The following ZFP64 variants were observed in gnomAD, a reference collection of about 807,000 sequenced individuals.
ZFP64 encodes zinc finger protein 64.
Under a neutral mutation model 51.6 loss-of-function variants are expected in ZFP64, and 14 were observed. The observed-to-expected ratio is 0.27, with a 90% CI of 0.18 to 0.42. The LOEUF is 0.42. Among genes scored for constraint, ZFP64 ranks in the 10% least tolerant of loss-of-function variants. The pLI is 1.00. For missense variants in ZFP64, 754 were observed against 906.8 expected (o/e 0.83, Z 2.16); for synonymous variants, 375 against 361.4 (o/e 1.04, Z -0.43).
intron 4 of ZFP64, among the ~76,000 whole-genome samples, chr20:52,161,256 C>T (rs556201419): frequency 1.3e-5 from 2 of 152,312 alleles, no homozygotes; most frequent in African/African-American, 4.8e-5. Context: ...GTCAACTTGA[C>T]ATCTGTGAAC....
rs1600801992 is a variant in ZFP64, at chr20:52,173,466, T to C, written c.287-7441A>G. On this transcript the variant is annotated intron_variant, in intron 2 of 5. Transcript: ENST00000216923. ...AGCTGGGTGTGATGCTGTGTGCCTG[T>C]AGTTTCAGCTAATTGTGGGGCTGAG... Among the ~76,000 whole-genome samples, 3 of 152,108 alleles carry C rather than the reference T, an allele frequency of 2.0e-5. No homozygotes were observed. The South Asian group carries it at 6.2e-4, about 32-fold the overall frequency.
At chr20:52,107,883 G>A (rs377682731) in intron 5 of ZFP64, among the ~76,000 whole-genome samples, 10 of 152,310 alleles carry the variant, frequency 6.6e-5, no homozygotes, top group East Asian at 3.9e-4. Context: ...TGGTATAAGA[G>A]ATAATGCCAA....
At chr20:52,122,473 T>C (rs1309802688) in intron 5 of ZFP64, among the ~76,000 whole-genome samples, 2 of 134,842 alleles carry the variant, frequency 1.5e-5, no homozygotes, top group Non-Finnish European at 3.0e-5. Flanking sequence ...TCCACTGCAC[T>C]CCAGCCTGGG....
intron 7 of ZFP64, among the ~76,000 whole-genome samples, chr20:52,093,649 T>C (rs912949510): frequency 2.0e-5 from 3 of 152,258 alleles, no homozygotes; most frequent in African/African-American, 7.2e-5. Context: ...ACACTCATTG[T>C]AGTTCTCCAA....
intron 5 of ZFP64, among the ~76,000 whole-genome samples, chr20:52,108,148 C>T (rs2122801975): frequency 6.6e-6 from 1 of 152,228 alleles, no homozygotes; most frequent in Non-Finnish European, 1.5e-5. Flanking sequence ...GAAGCTGACC[C>T]TTGGAAGCTG....
chr20:52,088,423 G>T (rs780538137), exon 8 of ZFP64: 2 of 1,610,784 alleles, frequency 1.2e-6, no homozygotes, highest in South Asian at 2.2e-5. Context: ...CGGTGAGCTG[G>T]CTGGAGTTGC....
intron 2 of ZFP64, among the ~76,000 whole-genome samples, chr20:52,178,255 A>G (rs1983378363): frequency 1.3e-5 from 2 of 152,082 alleles, no homozygotes; most frequent in Non-Finnish European, 2.9e-5. Context: ...GGAATTTACT[A>G]AGTGGCAGTA....
At chr20:52,143,921 T>G (rs1289168763) in intron 5 of ZFP64, among the ~76,000 whole-genome samples, 1 of 142,802 alleles carries the variant, frequency 7.0e-6, no homozygotes, top group African/African-American at 2.5e-5. Flanking sequence ...GCAAACAGAT[T>G]TCGTTTGATG....
At chr20:52,116,009 T>A (rs1392455012) in intron 5 of ZFP64, among the ~76,000 whole-genome samples, 1 of 150,888 alleles carries the variant, frequency 6.6e-6, no homozygotes. Flanking sequence ...TAATATTGTA[T>A]TTTTAGTAGA....
At chr20:52,109,746 A>G (rs1978448690) in intron 5 of ZFP64, among the ~76,000 whole-genome samples, 1 of 145,138 alleles carries the variant, frequency 6.9e-6, no homozygotes, top group Non-Finnish European at 1.5e-5. Flanking sequence ...GTGCCACTGT[A>G]CTCCAGCCTG....
downstream of ZFP64, among the ~76,000 whole-genome samples, chr20:52,148,349 T>A (rs1980623580): frequency 6.6e-6 from 1 of 152,206 alleles, no homozygotes; most frequent in South Asian, 2.1e-4. Flanking sequence ...GATTTCAGTT[T>A]TCAGGAAAAT....
intron 2 of ZFP64, among the ~76,000 whole-genome samples, chr20:52,186,558 T>TC (rs397963742): frequency 6.6e-6 from 1 of 152,078 alleles, no homozygotes; most frequent in Non-Finnish European, 1.5e-5. Flanking sequence ...CTTTTTTTTT[T>TC]CCTATAGTAT....
Position 52,186,239 on chromosome 20 carries a change from G to C in ZFP64, c.286+593C>G, listed in dbSNP as rs571946636. On this transcript the variant is annotated intron_variant, in intron 2 of 5. Coordinates refer to ENST00000216923, the MANE Select transcript of ZFP64 (RefSeq NM_018197.3). Reference sequence around the variant, plus strand: ...TGCCCCTTAAGACAGGGGTATAACTGTGTGTGTAGGTGTTTGTGGGTACAT... The same window carrying C: ...TGCCCCTTAAGACAGGGGTATAACTCTGTGTGTAGGTGTTTGTGGGTACAT... Among the ~76,000 whole-genome samples, 3 of 152,272 alleles carry C rather than the reference G, an allele frequency of 2.0e-5. No individual in the cohort carries two copies. The East Asian group carries it at 5.8e-4, about 29-fold the overall frequency.
chr20:52,151,615 T>C lies in ZFP64; in HGVS notation c.*531A>G, dbSNP rs1980802284. The C allele has an allele frequency of 1.0e-6, 1 of 987,210 alleles. No individual in the cohort carries two copies. The highest frequency in any genetic ancestry group is 1.2e-6 in the Non-Finnish European group (1 of 831,096). The allele number at this position is 987,210 out of a possible 1,614,324, so 61.2% of individuals were successfully genotyped here. ...CCTCATTGGAATCATCTTGGTAACATTTAAGATTCTACAACAGTTATAATG... is the reference window on the plus strand; with the variant it reads ...CCTCATTGGAATCATCTTGGTAACACTTAAGATTCTACAACAGTTATAATG... On this transcript the variant is annotated 3_prime_UTR_variant, in exon 6 of 6. Coordinates refer to ENST00000216923, the MANE Select transcript of ZFP64 (RefSeq NM_018197.3).
At chr20:52,157,200 G>C (rs1199441675) in intron 5 of ZFP64, among the ~76,000 whole-genome samples, 2 of 152,200 alleles carry the variant, frequency 1.3e-5, no homozygotes, top group Non-Finnish European at 2.9e-5. Context: ...TTGGTGCCAA[G>C]TATGTTCTCT....
intron 5 of ZFP64, among the ~76,000 whole-genome samples, chr20:52,156,059 A>G (rs1256593362): frequency 6.6e-6 from 1 of 152,252 alleles, no homozygotes; most frequent in Non-Finnish European, 1.5e-5. Flanking sequence ...TGCTATAAAT[A>G]GTAACTTCAT....
intron 5 of ZFP64, among the ~76,000 whole-genome samples, chr20:52,103,463 G>A (rs958666534): frequency 3.3e-5 from 5 of 152,276 alleles, no homozygotes; most frequent in Admixed American, 1.3e-4. Context: ...ACACTACTGG[G>A]CCGGCAGAGT....
rs577367674 is a variant in ZFP64 at position 52,118,781 on chromosome 20, A to C, written c.764-20194T>G. Among the ~76,000 whole-genome samples the C allele has an allele frequency of 4.4e-4, 67 of 152,358 alleles. 1 individual carries two copies. In the South Asian group the frequency reaches 0.013, roughly 29 times the overall value. ...TGATAAAGGTTCTCACAGAGTGGGCAGGTAAAGCTTCCTCAGAGAGGTGGA... is the reference window on the plus strand; with the variant it reads ...TGATAAAGGTTCTCACAGAGTGGGCCGGTAAAGCTTCCTCAGAGAGGTGGA... On this transcript the variant is annotated intron_variant, in intron 5 of 8. Coordinates refer to the ZFP64 transcript ENST00000361387.
intron 5 of ZFP64, among the ~76,000 whole-genome samples, chr20:52,157,634 G>A (rs115990380): frequency 1.8e-3 from 277 of 152,278 alleles, no homozygotes; most frequent in African/African-American, 6.1e-3. Context: ...ATGGACCAGG[G>A]ACTGACAAAT....
Sources: allele counts gnomAD v4.1 joint callset (sites outside exome capture counted in the v4.1 genomes callset), GRCh38; gene constraint gnomAD v4.1.1; transcripts MANE v1.5; gene names NCBI Gene and HGNC (gene_info 2026-07-23, HGNC 2026-07-21).